HS6ST3: variants seen among roughly 807,000 people sequenced by gnomAD.
HS6ST3 encodes heparan sulfate 6-O-sulfotransferase 3, also known as heparan-sulfate 6-O-sulfotransferase 3.
HS6ST3 carries 12 observed loss-of-function variants against 36.7 expected under a neutral mutation model. The observed-to-expected ratio is 0.33, with a 90% CI of 0.21 to 0.53. HS6ST3 has a LOEUF of 0.53. Among genes scored for constraint, HS6ST3 ranks in the 20% least tolerant of loss-of-function variants. The probability of loss-of-function intolerance (pLI) is 0.95; values close to 1 mark genes in which losing one functional copy is unlikely to be tolerated. For missense variants in HS6ST3, 584 were observed against 640.9 expected (o/e 0.91, Z 0.96); for synonymous variants, 240 against 257.5 (o/e 0.93, Z 0.65).
At chr13:96,268,017 G>C (rs2054701209) in intron 1 of HS6ST3, among the ~76,000 whole-genome samples, 1 of 151,932 alleles carries the variant, frequency 6.6e-6, no homozygotes, top group Non-Finnish European at 1.5e-5. Context: ...CAAAGAGAGA[G>C]AGAGAGAGAG....
chr13:96,117,766 T>A (rs1335689735), intron 1 of HS6ST3, among the ~76,000 whole-genome samples: 1 of 152,140 alleles, frequency 6.6e-6, no homozygotes, highest in Non-Finnish European at 1.5e-5. Context: ...AGAAAATGGA[T>A]TGAGATAAAT....
intron 1 of HS6ST3, among the ~76,000 whole-genome samples, chr13:96,769,431 T>C (rs923617193): frequency 7.1e-6 from 1 of 141,454 alleles, no homozygotes; most frequent in Non-Finnish European, 1.5e-5. Flanking sequence ...TATCTCCCAA[T>C]GCTATCCCTC....
intron 1 of HS6ST3, among the ~76,000 whole-genome samples, chr13:96,313,399 C>T (rs1339045325): frequency 6.6e-6 from 1 of 151,852 alleles, no homozygotes. Context: ...TGTTTAAAGG[C>T]TCCAGAGCTA....
At chr13:96,308,544 G>T (rs1255160747) in intron 1 of HS6ST3, among the ~76,000 whole-genome samples, 1 of 152,056 alleles carries the variant, frequency 6.6e-6, no homozygotes, top group Non-Finnish European at 1.5e-5. Context: ...TTATGTAAAA[G>T]ACTTTAACGG....
intron 1 of HS6ST3, among the ~76,000 whole-genome samples, chr13:96,452,634 G>A (rs2055733732): frequency 6.6e-6 from 1 of 151,668 alleles, no homozygotes; most frequent in African/African-American, 2.4e-5. Context: ...TTTCTAATAT[G>A]CAATTAAGGG....
chr13:96,205,934 A>T (rs774377559), intron 1 of HS6ST3, among the ~76,000 whole-genome samples: 7 of 152,162 alleles, frequency 4.6e-5, no homozygotes, highest in Non-Finnish European at 7.4e-5. Context: ...CACCAGTCCT[A>T]TTCAACATAA....
chr13:96,756,835 A>G (rs1222478954), intron 1 of HS6ST3, among the ~76,000 whole-genome samples: 4 of 152,248 alleles, frequency 2.6e-5, no homozygotes, highest in Non-Finnish European at 4.4e-5. Context: ...AAATTGTCCT[A>G]TCTACTGAGA....
chr13:96,688,761 G>A (rs1205289881), intron 1 of HS6ST3, among the ~76,000 whole-genome samples: 1 of 151,982 alleles, frequency 6.6e-6, no homozygotes, highest in African/African-American at 2.4e-5. Flanking sequence ...ATCATGCAAA[G>A]GACCCCACTT....
chr13:96,518,327 ATTC>A (rs1217535430), intron 1 of HS6ST3, among the ~76,000 whole-genome samples: 1 of 152,202 alleles, frequency 6.6e-6, no homozygotes, highest in Non-Finnish European at 1.5e-5. Context: ...TTGCAAACTA[ATTC>A]TTATTCCCTT....
chr13:96,556,807 A>G (rs1303684358), intron 1 of HS6ST3, among the ~76,000 whole-genome samples: 2 of 152,184 alleles, frequency 1.3e-5, no homozygotes, highest in African/African-American at 4.8e-5. Flanking sequence ...TAGGAACTGT[A>G]GCCCAAGCAC....
intron 1 of HS6ST3, among the ~76,000 whole-genome samples, chr13:96,370,209 A>G (rs2139440492): frequency 6.6e-6 from 1 of 152,328 alleles, no homozygotes; most frequent in East Asian, 1.9e-4. Context: ...AAAGTTCAAC[A>G]ACCCCGAGTG....
At chr13:96,535,506 C>T (rs538130184) in intron 1 of HS6ST3, among the ~76,000 whole-genome samples, 2 of 143,590 alleles carry the variant, frequency 1.4e-5, no homozygotes, top group South Asian at 2.2e-4. Context: ...TGCAGTGAGC[C>T]GAGATCTCAC....
chr13:96,317,379 T>C (rs1232374145), intron 1 of HS6ST3, among the ~76,000 whole-genome samples: 1 of 32,058 alleles, frequency 3.1e-5, no homozygotes, highest in Non-Finnish European at 6.4e-5. Flanking sequence ...AAATTATATA[T>C]ATATATATAT....
intron 1 of HS6ST3, among the ~76,000 whole-genome samples, chr13:96,411,434 A>C (rs2055506789): frequency 6.6e-6 from 1 of 152,234 alleles, no homozygotes; most frequent in Admixed American, 6.5e-5. Context: ...ACAAAGGTTG[A>C]GATGGGTGAG....
At chr13:96,113,168 CACAA>C (rs1390405328) in intron 1 of HS6ST3, among the ~76,000 whole-genome samples, 1 of 152,134 alleles carries the variant, frequency 6.6e-6, no homozygotes, top group Admixed American at 6.5e-5. Flanking sequence ...GGATGAGTCA[CACAA>C]ACACGGATTC....
intron 1 of HS6ST3, among the ~76,000 whole-genome samples, chr13:96,588,217 C>G (rs2056369099): frequency 6.8e-6 from 1 of 147,878 alleles, no homozygotes; most frequent in Non-Finnish European, 1.5e-5. Flanking sequence ...CTTTAGACAC[C>G]TTTTTTTTTC....
intron 1 of HS6ST3, among the ~76,000 whole-genome samples, chr13:96,644,038 T>C (rs1038365281): frequency 2.0e-5 from 3 of 151,980 alleles, no homozygotes; most frequent in Admixed American, 2.0e-4. Context: ...TTATGAAAGA[T>C]AATCTTTTTG....
rs2055068820 is a variant in HS6ST3, at chr13:96,331,671, G to GAGGC, written c.707+240111_707+240114dup. On this transcript the variant is annotated intron_variant, in intron 1 of 1. Transcript: ENST00000376705. ...CCTGCCCCCAGAGGTGGAGCCTACAGAGGCAGGCAGGCCTCCTTGAGCTGT... is the reference window on the plus strand; with the variant it reads ...CCTGCCCCCAGAGGTGGAGCCTACAGAGGCAGGCAGGCAGGCCTCCTTGAGCTGT... 2.0e-5 allele frequency among the ~76,000 whole-genome samples: 3 copies of GAGGC among 152,322 alleles called. No individual in the cohort carries two copies. In the South Asian group the frequency reaches 6.2e-4, roughly 32 times the overall value.
intron 1 of HS6ST3, among the ~76,000 whole-genome samples, chr13:96,339,294 T>A (rs2055118257): frequency 6.6e-6 from 1 of 152,108 alleles, no homozygotes; most frequent in Admixed American, 6.5e-5. Context: ...CTAAAATCGT[T>A]GTTGGTTGGT....
Sources: gnomAD v4.1 joint callset for allele counts (sites outside exome capture counted in the v4.1 genomes callset) on GRCh38, gnomAD v4.1.1 for gene constraint, MANE v1.5 for transcripts, NCBI Gene and HGNC (gene_info 2026-07-23, HGNC 2026-07-21) for gene names.